The following TRIP4 variants were observed in gnomAD, a reference collection of about 807,000 sequenced individuals.
The protein encoded by TRIP4 is activating signal cointegrator 1.
A neutral mutation model predicts 81.8 loss-of-function variants in TRIP4; 54 were observed. The ratio of observed to expected loss-of-function variants is 0.66; its 90% CI spans 0.53 to 0.83. The LOEUF is 0.83. Among genes scored for constraint, TRIP4 ranks in the 40% least tolerant of loss-of-function variants. The probability of loss-of-function intolerance (pLI) is 0.00; values close to 1 mark genes in which losing one functional copy is unlikely to be tolerated. For missense variants in TRIP4, 662 were observed against 683.6 expected (o/e 0.97, Z 0.35); for synonymous variants, 270 against 242.8 (o/e 1.11, Z -1.04).
chr15:64,446,193 G>A (rs1398077482), intron 12 of TRIP4, among the ~76,000 whole-genome samples: 1 of 151,812 alleles, frequency 6.6e-6, no homozygotes, highest in Non-Finnish European at 1.5e-5. Flanking sequence ...AGTATCGCTT[G>A]AACTCGGGAG....
intron 12 of TRIP4, among the ~76,000 whole-genome samples, chr15:64,446,875 C>A (rs944536639): frequency 2.6e-5 from 4 of 151,572 alleles, no homozygotes; most frequent in Non-Finnish European, 4.4e-5. Flanking sequence ...GAGGCCGAGG[C>A]AAGTGGATCA....
At chr15:64,436,548 G>A (rs139703829) in intron 11 of TRIP4, among the ~76,000 whole-genome samples, 1,695 of 150,862 alleles carry the variant, frequency 0.011, 16 homozygotes, top group Middle Eastern at 0.031. Flanking sequence ...CTGAGATCGC[G>A]CTACTGCACT....
At chr15:64,422,898 T>C (rs144688269) in intron 9 of TRIP4, among the ~76,000 whole-genome samples, 2 of 152,322 alleles carry the variant, frequency 1.3e-5, no homozygotes, top group Non-Finnish European at 2.9e-5. Flanking sequence ...GCACCTACTG[T>C]GTGCCTGGCA....
intron 5 of TRIP4, among the ~76,000 whole-genome samples, chr15:64,401,154 G>A (rs1321121855): frequency 6.8e-6 from 1 of 147,076 alleles, no homozygotes; most frequent in Non-Finnish European, 1.5e-5. Flanking sequence ...TTTTTTTTGA[G>A]ATGGAGTCTC....
chr15:64,388,850 TATC>T (rs1329500055), intron 1 of TRIP4, among the ~76,000 whole-genome samples: 1 of 152,226 alleles, frequency 6.6e-6, no homozygotes, highest in African/African-American at 2.4e-5. Flanking sequence ...TAGTAGAGCT[TATC>T]ATGCTTTATG....
intron 8 of TRIP4, 72 bp from the exon 9 acceptor site, chr15:64,418,469 C>G: frequency 7.1e-7 from 1 of 1,404,142 alleles, no homozygotes; most frequent in East Asian, 2.4e-5. Flanking sequence ...TATTAGCATT[C>G]GCATCATTTT....
chr15:64,413,377 A>C (rs1384407381), intron 7 of TRIP4, among the ~76,000 whole-genome samples: 1 of 151,642 alleles, frequency 6.6e-6, no homozygotes, highest in Admixed American at 6.6e-5. Flanking sequence ...GGGTCTCTCT[A>C]TGTTGCCCAA....
At position 64,409,602 on chromosome 15, in the gene TRIP4, C is replaced by CT; in HGVS notation, c.828-6dup. ...AGATGACCTAATTACCATGTGTTCC[C>CT]TTTTTCTCAGTATTCGAAGGACCCA... On this transcript the variant is annotated splice_polypyrimidine_tract_variant and intron_variant, in intron 6 of 12. Transcript: ENST00000261884. 1.2e-6 allele frequency: 2 copies of CT among 1,613,330 alleles called. No individual in the cohort carries two copies. Among genetic ancestry groups the CT allele is most frequent in the South Asian group, 2.2e-5 (2 of 90,954 alleles).
At chr15:64,392,123 AAAAAC>A (rs747797679) in intron 1 of TRIP4, among the ~76,000 whole-genome samples, 20 of 150,282 alleles carry the variant, frequency 1.3e-4, no homozygotes, top group African/African-American at 4.2e-4. Context: ...AAAAAAAAGC[AAAAAC>A]AAAACAAAAC....
intron 5 of TRIP4, among the ~76,000 whole-genome samples, chr15:64,401,311 T>G (rs1365848024): frequency 6.6e-6 from 1 of 151,960 alleles, no homozygotes; most frequent in Non-Finnish European, 1.5e-5. Context: ...ATGTTTTGTA[T>G]TTTTTAGTAG....
Position 64,409,745 on chromosome 15 carries a change from T to A in TRIP4, c.960T>A (p.Ser320=). 6.2e-7 allele frequency: 1 copy of A among 1,614,146 alleles called. No individual in the cohort carries two copies. The highest frequency in any genetic ancestry group is 8.5e-7 in the Non-Finnish European group (1 of 1,180,028). Residue 320 remains serine (S), a synonymous_variant, in exon 7 of 13, where the codon TCT becomes TCA. Transcript: ENST00000261884. ...EEELRELRHA[S]RLSKKVTIDF... ...AGCTGAGAGAACTTCGACACGCCTCTCGACTTTCTAAGAAGGTCACCATTG... is the reference window on the plus strand; with the variant it reads ...AGCTGAGAGAACTTCGACACGCCTCACGACTTTCTAAGAAGGTCACCATTG...
chr15:64,453,057 A>C (rs1168259083), intron 12 of TRIP4, among the ~76,000 whole-genome samples: 1 of 152,128 alleles, frequency 6.6e-6, no homozygotes, highest in Non-Finnish European at 1.5e-5. Context: ...GTGATGGCAC[A>C]CACCTGTAGT....
At chr15:64,397,518 G>A in intron 3 of TRIP4, 88 bp from the exon 4 acceptor site, 2 of 1,289,184 alleles carry the variant, frequency 1.6e-6, no homozygotes, top group Non-Finnish European at 1.1e-6. Flanking sequence ...TATATAAGTT[G>A]TTACTGAACA....
At chr15:64,446,649 G>A (rs890297361) in intron 12 of TRIP4, among the ~76,000 whole-genome samples, 2 of 151,450 alleles carry the variant, frequency 1.3e-5, no homozygotes, top group Admixed American at 1.3e-4. Flanking sequence ...TGATCCGCCT[G>A]CCTTGGCCTC....
intron 9 of TRIP4, among the ~76,000 whole-genome samples, chr15:64,419,508 G>A (rs999595289): frequency 2.6e-5 from 4 of 151,710 alleles, no homozygotes; most frequent in South Asian, 2.1e-4. Context: ...ACAGGCGCCC[G>A]CCACCACACC....
intron 12 of TRIP4, among the ~76,000 whole-genome samples, chr15:64,453,871 T>C (rs1266599043): frequency 6.6e-6 from 1 of 152,242 alleles, no homozygotes; most frequent in Non-Finnish European, 1.5e-5. Flanking sequence ...TCAGTACATG[T>C]ATTCTTAACT....
At chr15:64,443,790 G>A (rs558786203) in intron 11 of TRIP4, among the ~76,000 whole-genome samples, 205 of 152,226 alleles carry the variant, frequency 1.3e-3, no homozygotes, top group African/African-American at 4.7e-3. Context: ...GGGAGGTTGA[G>A]GCAGGAGAAT....
Position 64,408,163 on chromosome 15 carries a change from G to GTTT in TRIP4, c.828-1440_828-1438dup, listed in dbSNP as rs10641751. On this transcript the variant is annotated intron_variant, in intron 6 of 12. Transcript: ENST00000261884. Reference sequence around the variant, plus strand: ...TCTACTCTAAGTCTGCTTTATTTTTGTTTTTTTTTTTTGATCCGCCAGCCT... The same window carrying GTTT: ...TCTACTCTAAGTCTGCTTTATTTTTGTTTTTTTTTTTTTTTGATCCGCCAGCCT... Among the ~76,000 whole-genome samples the GTTT allele has an allele frequency of 2.8e-3, 366 of 132,612 alleles. 9 individuals are homozygous for GTTT. The highest frequency in any genetic ancestry group is 0.011 in the Middle Eastern group (3 of 262). 87.0% of individuals were successfully genotyped at this position (132,612 alleles called of 152,430 possible). A position where few individuals can be genotyped will look rare whatever the true frequency, so the allele number is the denominator to read the frequency against.
intron 1 of TRIP4, among the ~76,000 whole-genome samples, chr15:64,390,241 C>A (rs1390519677): frequency 6.6e-6 from 1 of 150,950 alleles, no homozygotes; most frequent in Non-Finnish European, 1.5e-5. Context: ...GCAGATGGAT[C>A]ATTTGAGGTC....
Sources: allele counts gnomAD v4.1 joint callset (sites outside exome capture counted in the v4.1 genomes callset), GRCh38; gene constraint gnomAD v4.1.1; transcripts MANE v1.5; gene names NCBI Gene and HGNC (gene_info 2026-07-23, HGNC 2026-07-21).